The following GADL1 variants were observed in gnomAD, a reference collection of about 807,000 sequenced individuals.
GADL1 encodes GAD like acidic amino acid decarboxylase 1, also known as acidic amino acid decarboxylase GADL1.
A neutral mutation model predicts 69.5 loss-of-function variants in GADL1; 71 were observed. The observed-to-expected ratio is 1.02, with a 90% CI of 0.84 to 1.25. The LOEUF is 1.25. Among genes scored for constraint, GADL1 ranks in the 50% most tolerant of loss-of-function variants. The probability of loss-of-function intolerance (pLI) is 0.00; values close to 1 mark genes in which losing one functional copy is unlikely to be tolerated. For synonymous variants in GADL1, 254 were observed against 214.4 expected (o/e 1.18, Z -1.62); for missense variants, 737 against 631.8 (o/e 1.17, Z -1.79).
At chr3:30,890,871 C>T (rs892022426) in intron 1 of GADL1, among the ~76,000 whole-genome samples, 1 of 152,142 alleles carries the variant, frequency 6.6e-6, no homozygotes, top group Non-Finnish European at 1.5e-5. Context: ...CTACTACCTG[C>T]CATGCATTGT....
intron 9 of GADL1, among the ~76,000 whole-genome samples, chr3:30,834,704 T>C (rs917186510): frequency 3.3e-5 from 5 of 152,102 alleles, no homozygotes; most frequent in African/African-American, 1.2e-4. Context: ...ATTGACAAGG[T>C]AGATAGAAGG....
At chr3:30,854,567 T>C (rs377051369) in intron 4 of GADL1, 132 bp downstream of exon 4, 1 of 590,442 alleles carries the variant, frequency 1.7e-6, no homozygotes, top group East Asian at 2.8e-5. Context: ...ATAAGTATCA[T>C]AAAACTATTC....
chr3:30,789,222 CAA>C (rs963609048), intron 12 of GADL1, among the ~76,000 whole-genome samples: 1 of 152,200 alleles, frequency 6.6e-6, no homozygotes, highest in African/African-American at 2.4e-5. Context: ...AGCATGGAAA[CAA>C]TATTAATCTC....
chr3:30,740,998 TTAA>T (rs1367907395), intron 14 of GADL1, among the ~76,000 whole-genome samples: 4 of 102,744 alleles, frequency 3.9e-5, no homozygotes, highest in East Asian at 3.4e-4. Context: ...ATATTATATA[TTAA>T]TATATATTAT....
At chr3:30,859,840 G>A (rs1698292892) in intron 2 of GADL1, among the ~76,000 whole-genome samples, 1 of 151,788 alleles carries the variant, frequency 6.6e-6, no homozygotes, top group African/African-American at 2.4e-5. Flanking sequence ...CCCAACTCTA[G>A]CATAGCTTTC....
intron 14 of GADL1, among the ~76,000 whole-genome samples, chr3:30,764,881 C>T (rs1246096162): frequency 1.3e-5 from 2 of 152,114 alleles, no homozygotes; most frequent in East Asian, 1.9e-4. Flanking sequence ...TTGAATTATC[C>T]CTACCTACCC....
intron 14 of GADL1, among the ~76,000 whole-genome samples, chr3:30,748,732 A>G (rs1020207985): frequency 1.3e-5 from 2 of 152,250 alleles, no homozygotes; most frequent in Admixed American, 6.5e-5. Context: ...TAAATATAAT[A>G]TTGTTCAATA....
intron 11 of GADL1, 142 bp downstream of exon 11, chr3:30,833,711 G>A (rs540270265): frequency 1.6e-6 from 1 of 632,088 alleles, no homozygotes; most frequent in Non-Finnish European, 2.9e-6. Context: ...TGTCTTTCAT[G>A]TAGAGACCAT....
intron 6 of GADL1, among the ~76,000 whole-genome samples, chr3:30,848,155 A>AT (rs775917481): frequency 3.9e-5 from 6 of 152,200 alleles, no homozygotes; most frequent in African/African-American, 7.2e-5. Context: ...ACTCTATTCA[A>AT]TAACAATCCC....
chr3:30,853,848 C>T (rs1698186291), intron 4 of GADL1, among the ~76,000 whole-genome samples: 1 of 152,118 alleles, frequency 6.6e-6, no homozygotes, highest in South Asian at 2.1e-4. Flanking sequence ...TAATGCCCTC[C>T]TAACGGGTCC....
intron 1 of GADL1, among the ~76,000 whole-genome samples, chr3:30,880,809 G>T (rs564497715): frequency 6.6e-6 from 1 of 151,994 alleles, no homozygotes; most frequent in African/African-American, 2.4e-5. Flanking sequence ...TTAAATGACT[G>T]TAAATTTGTT....
intron 8 of GADL1, among the ~76,000 whole-genome samples, chr3:30,839,514 CA>C (rs764490080): frequency 0.012 from 1,240 of 105,522 alleles, 93 homozygotes; most frequent in African/African-American, 0.053. Flanking sequence ...GTCATCTTCT[CA>C]AAAAAAAAAA....
At position 30,776,735 on chromosome 3, in the gene GADL1, A is replaced by G. The variant is rs148429765; in HGVS notation, c.1392+1444T>C. On this transcript the variant is annotated intron_variant, in intron 14 of 14. Coordinates refer to ENST00000282538, the MANE Select transcript of GADL1 (RefSeq NM_207359.3). Reference sequence around the variant, plus strand: ...GGCTATGTTCTGCCCTCTTCCTTCTAGTTAGACTGGGGCAAAAATCCCAAG... The same window carrying G: ...GGCTATGTTCTGCCCTCTTCCTTCTGGTTAGACTGGGGCAAAAATCCCAAG... Among the ~76,000 whole-genome samples the G allele has an allele frequency of 6.0e-3, 919 of 152,304 alleles. 8 individuals carry two copies. The highest frequency in any genetic ancestry group is 0.021 in the African/African-American group (856 of 41,564).
intron 11 of GADL1, among the ~76,000 whole-genome samples, chr3:30,804,320 A>G (rs1402269478): frequency 1.9e-5 from 2 of 104,368 alleles, no homozygotes; most frequent in African/African-American, 1.3e-4. Flanking sequence ...ATCTGTGAGC[A>G]TGGAGAGGAG....
At chr3:30,808,156 G>A (rs925939100) in intron 11 of GADL1, among the ~76,000 whole-genome samples, 6 of 152,132 alleles carry the variant, frequency 3.9e-5, no homozygotes, top group Non-Finnish European at 8.8e-5. Context: ...GAGGGAAAGA[G>A]CGAGGGAATG....
At chr3:30,866,579 A>T (rs528056743) in intron 1 of GADL1, among the ~76,000 whole-genome samples, 1 of 152,220 alleles carries the variant, frequency 6.6e-6, no homozygotes, top group African/African-American at 2.4e-5. Context: ...AATAAACTCT[A>T]GACCAAGTGG....
intron 13 of GADL1, among the ~76,000 whole-genome samples, chr3:30,779,423 A>C (rs1196895949): frequency 6.6e-6 from 1 of 152,224 alleles, no homozygotes; most frequent in Non-Finnish European, 1.5e-5. Context: ...ATCAAGAGGA[A>C]AGACCCATCA....
intron 12 of GADL1, chr3:30,799,809 C>G (rs1697124663): frequency 6.6e-6 from 1 of 152,284 alleles, no homozygotes; most frequent in South Asian, 2.1e-4. Context: ...TCATCTCTCT[C>G]AAGTTCAAAG....
chr3:30,808,465 G>A (rs1020724403), intron 11 of GADL1, among the ~76,000 whole-genome samples: 12 of 150,692 alleles, frequency 8.0e-5, no homozygotes, highest in East Asian at 3.9e-4. Flanking sequence ...GTTACTGCAC[G>A]CTGGCCTGGG....
Sources: gnomAD v4.1 joint callset for allele counts (sites outside exome capture counted in the v4.1 genomes callset) on GRCh38, gnomAD v4.1.1 for gene constraint, MANE v1.5 for transcripts, NCBI Gene and HGNC (gene_info 2026-07-23, HGNC 2026-07-21) for gene names.